IFRD1: variants seen among roughly 807,000 people sequenced by gnomAD.
The protein encoded by IFRD1 is interferon-related developmental regulator 1.
Under a neutral mutation model 52.9 loss-of-function variants are expected in IFRD1, and 35 were observed. That is an observed-to-expected ratio of 0.66 (90% CI 0.51 to 0.88). The LOEUF is 0.88. IFRD1 is among the 40% of genes least tolerant of loss of function. IFRD1 has a pLI of 0.00. For synonymous variants in IFRD1, 184 were observed against 188.4 expected (o/e 0.98, Z 0.19); for missense variants, 517 against 550.8 (o/e 0.94, Z 0.61).
chr7:112,423,532 C>A (rs1355344549), intron 1 of IFRD1: 1 of 152,126 alleles, frequency 6.6e-6, no homozygotes, highest in African/African-American at 2.4e-5. Flanking sequence ...GTTAAGAGTC[C>A]ATGCTCTTAA....
intron 1 of IFRD1, among the ~76,000 whole-genome samples, chr7:112,432,817 T>G (rs919171007): frequency 2.0e-5 from 3 of 152,192 alleles, no homozygotes; most frequent in African/African-American, 4.8e-5. Flanking sequence ...AAAATACACT[T>G]ACAGTGCAAA....
intron 8 of IFRD1, among the ~76,000 whole-genome samples, chr7:112,465,013 C>T (rs956230146): frequency 1.3e-4 from 20 of 152,146 alleles, no homozygotes; most frequent in Admixed American, 3.9e-4. Flanking sequence ...CAAAGATATT[C>T]TGCCTTGATT....
chr7:112,455,655 G>T, intron 1 of IFRD1, 108 bp from the exon 2 acceptor site: 2 of 742,440 alleles, frequency 2.7e-6, no homozygotes, highest in Non-Finnish European at 4.8e-6. Flanking sequence ...AAATGAGTCT[G>T]TGGTTTTATT....
At chr7:112,450,945 C>A in intron 1 of IFRD1, 163 bp downstream of exon 1, 1 of 662,060 alleles carries the variant, frequency 1.5e-6, no homozygotes, top group Non-Finnish European at 2.7e-6. Flanking sequence ...GTGCCCTGGG[C>A]GCTGCTCCTC....
At chr7:112,437,429 C>G (rs1173442564) in intron 1 of IFRD1, 1 of 152,140 alleles carries the variant, frequency 6.6e-6, no homozygotes, top group African/African-American at 2.4e-5. Flanking sequence ...GGATGTATAT[C>G]AATACCATGT....
rs1446318091 is a variant in IFRD1, at chr7:112,477,057, T to C, written c.*1538T>C. 6.6e-6 allele frequency: 1 copy of C among 152,216 alleles called. No individual in the cohort carries two copies. The highest frequency in any genetic ancestry group is 2.4e-5 in the African/African-American group (1 of 41,456). The allele number at this position is 152,216 out of a possible 1,614,324, so 9.4% of individuals were successfully genotyped here. ...TTAGAATCTAGAACTTGTTTGTATG[T>C]TGTCACTTGGTTATGTTCCAAGTAG... is the stretch of plus-strand genomic sequence containing the variant. On this transcript the variant is annotated 3_prime_UTR_variant, in exon 12 of 12. Coordinates refer to ENST00000403825, the MANE Select transcript of IFRD1 (RefSeq NM_001550.4).
intron 8 of IFRD1, 75 bp from the exon 9 acceptor site, chr7:112,467,906 G>A (rs1795651492): frequency 7.2e-7 from 1 of 1,384,408 alleles, no homozygotes; most frequent in Non-Finnish European, 1.0e-6. Context: ...AATGTAGACT[G>A]TTCTTTGTTA....
chr7:112,459,682 T>A (rs1795383341), intron 5 of IFRD1, among the ~76,000 whole-genome samples: 1 of 152,212 alleles, frequency 6.6e-6, no homozygotes, highest in South Asian at 2.1e-4. Flanking sequence ...GGTAAAAATT[T>A]ATTTCTTCTT....
At chr7:112,470,601 T>C (rs1483370467) in intron 9 of IFRD1, among the ~76,000 whole-genome samples, 1 of 152,208 alleles carries the variant, frequency 6.6e-6, no homozygotes, top group Admixed American at 6.5e-5. Flanking sequence ...AGAAGGAACC[T>C]GTGGAGAAAG....
chr7:112,429,407 A>T (rs1418904512), intron 1 of IFRD1, among the ~76,000 whole-genome samples: 1 of 152,220 alleles, frequency 6.6e-6, no homozygotes, highest in Admixed American at 6.5e-5. Flanking sequence ...TCAGATGTAT[A>T]AATCTTTGAA....
At chr7:112,444,565 T>G (rs1794974045) in intron 1 of IFRD1, among the ~76,000 whole-genome samples, 1 of 152,148 alleles carries the variant, frequency 6.6e-6, no homozygotes, top group Non-Finnish European at 1.5e-5. Context: ...TACTATTTAA[T>G]AATAAAGTTC....
At chr7:112,446,706 A>G (rs1222950658), upstream of IFRD1, among the ~76,000 whole-genome samples, 1 of 152,168 alleles carries the variant, frequency 6.6e-6, no homozygotes, top group African/African-American at 2.4e-5. Flanking sequence ...TGATCATATC[A>G]GGCAGAGGGA....
chr7:112,453,796 G>T (rs1389359880), intron 1 of IFRD1, among the ~76,000 whole-genome samples: 2 of 152,008 alleles, frequency 1.3e-5, no homozygotes, highest in Admixed American at 6.6e-5. Flanking sequence ...AAATCTGAAG[G>T]CCACTTGCTT....
At chr7:112,449,829 G>T (rs1352267732), upstream of IFRD1, among the ~76,000 whole-genome samples, 2 of 10,634 alleles carry the variant, frequency 1.9e-4, no homozygotes, top group African/African-American at 4.3e-4. Context: ...CTTTTTTTGG[G>T]GGGGGGGGGG....
intron 5 of IFRD1, 31 bp from the exon 6 acceptor site, chr7:112,461,835 A>C: frequency 1.8e-6 from 2 of 1,142,488 alleles, no homozygotes; most frequent in Non-Finnish European, 2.5e-6. Flanking sequence ...TAAAATCATT[A>C]ATGTCTATAT....
intron 9 of IFRD1, 140 bp from the exon 10 acceptor site, chr7:112,472,079 T>A (rs1795762699): frequency 1.2e-5 from 10 of 858,028 alleles, no homozygotes; most frequent in Admixed American, 5.4e-5. Context: ...TTTGTCCACA[T>A]CTCAGGTATG....
At chr7:112,443,084 T>C (rs928622125) in intron 1 of IFRD1, among the ~76,000 whole-genome samples, 7 of 152,198 alleles carry the variant, frequency 4.6e-5, no homozygotes, top group Non-Finnish European at 8.8e-5. Context: ...TGAAGTTACT[T>C]GCTCAAGAAT....
chr7:112,457,686 TGG>T (rs1261176944), intron 4 of IFRD1: 1 of 152,210 alleles, frequency 6.6e-6, no homozygotes, highest in East Asian at 1.9e-4. Context: ...GGAGACCACC[TGG>T]GCAACAAAGC....
Position 112,476,659 on chromosome 7 carries a change from A to C in IFRD1, c.*1140A>C, listed in dbSNP as rs1460780692. 1 of 152,176 alleles carries C rather than the reference A, an allele frequency of 6.6e-6. No individual in the cohort carries two copies. The highest frequency in any genetic ancestry group is 2.4e-5 in the African/African-American group (1 of 41,438). 9.4% of individuals were successfully genotyped at this position (152,176 alleles called of 1,614,324 possible). A position where few individuals can be genotyped will look rare whatever the true frequency, so the allele number is the denominator to read the frequency against. On this transcript the variant is annotated 3_prime_UTR_variant, in exon 12 of 12. Coordinates refer to ENST00000403825, the MANE Select transcript of IFRD1 (RefSeq NM_001550.4). ...TGAGACCTTGTCTCAAAAGCAAAACAAAAAAGAATATTGCTGCTTGTTTGC... is the reference window on the plus strand; with the variant it reads ...TGAGACCTTGTCTCAAAAGCAAAACCAAAAAGAATATTGCTGCTTGTTTGC...
Sources: allele counts gnomAD v4.1 joint callset (sites outside exome capture counted in the v4.1 genomes callset), GRCh38; gene constraint gnomAD v4.1.1; transcripts MANE v1.5; gene names NCBI Gene and HGNC (gene_info 2026-07-23, HGNC 2026-07-21).